Variants in C1orf105 observed in about 807,000 individuals in gnomAD.
The protein encoded by C1orf105 is chromosome 1 open reading frame 105.
Under a neutral mutation model 20.8 loss-of-function variants are expected in C1orf105, and 17 were observed. The observed-to-expected ratio is 0.82, with a 90% CI of 0.56 to 1.23. The LOEUF (loss-of-function observed/expected upper bound fraction) is 1.23. Among genes scored for constraint, C1orf105 ranks in the 50% most tolerant of loss-of-function variants. The pLI is 0.00. For synonymous variants in C1orf105, 72 were observed against 72.1 expected (o/e 1.00, Z 0.01); for missense variants, 219 against 213.5 (o/e 1.03, Z -0.16).
At chr1:172,463,142 T>C (rs1649813258) in intron 5 of C1orf105, among the ~76,000 whole-genome samples, 1 of 152,222 alleles carries the variant, frequency 6.6e-6, no homozygotes, top group Non-Finnish European at 1.5e-5. Flanking sequence ...ACTCTGTTTT[T>C]ACTTTATTAC....
intron 1 of C1orf105, chr1:172,442,543 T>G: frequency 6.2e-7 from 1 of 1,614,170 alleles, no homozygotes; most frequent in Non-Finnish European, 8.5e-7. Flanking sequence ...GTCCACATAG[T>G]TATCAGGAAA....
At chr1:172,427,778 G>A (rs747726056) in intron 1 of C1orf105, among the ~76,000 whole-genome samples, 50 of 151,998 alleles carry the variant, frequency 3.3e-4, no homozygotes, top group Non-Finnish European at 5.7e-4. Flanking sequence ...CTTCTTCTTC[G>A]CCTCAACATT....
At chr1:172,447,783 G>C (rs548234374) in intron 2 of C1orf105, among the ~76,000 whole-genome samples, 1 of 152,348 alleles carries the variant, frequency 6.6e-6, no homozygotes, top group Non-Finnish European at 1.5e-5. Flanking sequence ...CTATTTCTTG[G>C]ATGCCAGGGG....
At chr1:172,421,669 C>T (rs2071593336) in intron 1 of C1orf105, among the ~76,000 whole-genome samples, 1 of 152,156 alleles carries the variant, frequency 6.6e-6, no homozygotes, top group African/African-American at 2.4e-5. Context: ...CAAAAAAGCA[C>T]CTTCATAAGA....
chr1:172,432,619 C>T (rs1051673618), intron 1 of C1orf105, among the ~76,000 whole-genome samples: 3 of 152,206 alleles, frequency 2.0e-5, no homozygotes, highest in African/African-American at 7.2e-5. Context: ...AGGTCACCAA[C>T]ATCAAACACC....
intron 1 of C1orf105, among the ~76,000 whole-genome samples, chr1:172,438,110 T>C (rs1413885942): frequency 2.7e-5 from 4 of 150,728 alleles, no homozygotes; most frequent in Non-Finnish European, 5.9e-5. Flanking sequence ...AAGCCGAGTG[T>C]TGAGCCTACT....
chr1:172,460,611 AAT>A (rs1452147200), intron 4 of C1orf105, among the ~76,000 whole-genome samples: 1 of 151,456 alleles, frequency 6.6e-6, no homozygotes, highest in Non-Finnish European at 1.5e-5. Flanking sequence ...TATTTCAACA[AAT>A]ATTGATTGAT....
chr1:172,453,295 A>T, intron 3 of C1orf105: 1 of 1,295,250 alleles, frequency 7.7e-7, no homozygotes. Context: ...AAAGACCATT[A>T]TCGGTAGGGG....
At chr1:172,439,568 A>G (rs1207852184) in intron 1 of C1orf105, among the ~76,000 whole-genome samples, 1 of 152,202 alleles carries the variant, frequency 6.6e-6, no homozygotes, top group East Asian at 1.9e-4. Flanking sequence ...GTGTAAGATC[A>G]GGGACTGAGT....
At chr1:172,447,655 T>A (rs1648157886) in intron 2 of C1orf105, among the ~76,000 whole-genome samples, 1 of 152,214 alleles carries the variant, frequency 6.6e-6, no homozygotes, top group Non-Finnish European at 1.5e-5. Context: ...GCAAGAAATG[T>A]CTCATGAGCA....
At chr1:172,426,374 T>A (rs935574304) in intron 1 of C1orf105, among the ~76,000 whole-genome samples, 1 of 152,208 alleles carries the variant, frequency 6.6e-6, no homozygotes, top group African/African-American at 2.4e-5. Context: ...ACTATCTACA[T>A]GACCCTATGT....
intron 1 of C1orf105, among the ~76,000 whole-genome samples, chr1:172,424,593 GT>G (rs1327397360): frequency 6.6e-6 from 1 of 152,116 alleles, no homozygotes; most frequent in African/African-American, 2.4e-5. Flanking sequence ...GTTTCACAAT[GT>G]TGGCCAGGCT....
intron 1 of C1orf105, among the ~76,000 whole-genome samples, chr1:172,422,497 C>T (rs952550536): frequency 1.3e-5 from 2 of 152,058 alleles, no homozygotes; most frequent in African/African-American, 2.4e-5. Flanking sequence ...TACTACATAC[C>T]GTGGGCCTCA....
chr1:172,426,737 C>T (rs2071733632), intron 1 of C1orf105, among the ~76,000 whole-genome samples: 1 of 152,122 alleles, frequency 6.6e-6, no homozygotes, highest in Non-Finnish European at 1.5e-5. Flanking sequence ...CTTGGATCTC[C>T]AATCTATTCA....
intron 1 of C1orf105, among the ~76,000 whole-genome samples, chr1:172,435,349 A>C (rs1349405910): frequency 1.3e-5 from 2 of 152,222 alleles, no homozygotes; most frequent in African/African-American, 4.8e-5. Flanking sequence ...ATCCTCAATA[A>C]AATACTGGCA....
At chr1:172,456,766 C>G (rs1466636917) in intron 4 of C1orf105, among the ~76,000 whole-genome samples, 2 of 152,280 alleles carry the variant, frequency 1.3e-5, no homozygotes, top group East Asian at 3.9e-4. Flanking sequence ...GTAACTACAG[C>G]CTCTCAGAGG....
At chr1:172,429,515 T>C (rs1266792774) in intron 1 of C1orf105, among the ~76,000 whole-genome samples, 1 of 152,258 alleles carries the variant, frequency 6.6e-6, no homozygotes, top group East Asian at 1.9e-4. Context: ...CCCAGCCCTG[T>C]TTCCCTAAAT....
chr1:172,437,728 T>TATAACA (rs534054608), intron 1 of C1orf105, among the ~76,000 whole-genome samples: 2 of 144,036 alleles, frequency 1.4e-5, no homozygotes, highest in East Asian at 2.0e-4. Flanking sequence ...GAACTTAAAG[T>TATAACA]ATAATAATAA....
At chr1:172,454,618 C>G (rs183903034) in intron 3 of C1orf105, among the ~76,000 whole-genome samples, 1 of 152,250 alleles carries the variant, frequency 6.6e-6, no homozygotes, top group Admixed American at 6.5e-5. Context: ...CTAGATTATT[C>G]TTCCAGGTTG....
Sources: allele counts gnomAD v4.1 joint callset (sites outside exome capture counted in the v4.1 genomes callset), GRCh38; gene constraint gnomAD v4.1.1; transcripts MANE v1.5; gene names NCBI Gene and HGNC (gene_info 2026-07-23, HGNC 2026-07-21).